The following MUSK variants were observed in gnomAD, a reference collection of about 807,000 sequenced individuals.
MUSK encodes muscle, skeletal receptor tyrosine-protein kinase.
A neutral mutation model predicts 88.7 loss-of-function variants in MUSK; 55 were observed. That is an observed-to-expected ratio of 0.62 (90% CI 0.50 to 0.78). MUSK has a LOEUF of 0.78. MUSK is among the 30% of genes least tolerant of loss of function. The pLI, the probability that MUSK is intolerant of heterozygous loss-of-function variation, is 0.00. For synonymous variants in MUSK, 387 were observed against 391.9 expected, an observed-to-expected ratio of 0.99 and a Z score of 0.15; for missense variants, 1,015 against 1,074.3, an observed-to-expected ratio of 0.94 and a Z score of 0.77.
At chr9:110,678,900 T>TGC (rs57648754) in intron 1 of MUSK, among the ~76,000 whole-genome samples, 1 of 149,154 alleles carries the variant, frequency 6.7e-6, no homozygotes, top group African/African-American at 2.5e-5. Flanking sequence ...GATTTTTTGT[T>TGC]TTTTTGCTAT....
intron 7 of MUSK, among the ~76,000 whole-genome samples, chr9:110,757,503 T>C (rs1472651544): frequency 6.6e-6 from 1 of 151,384 alleles, no homozygotes; most frequent in Non-Finnish European, 1.5e-5. Context: ...ATTTACCAAA[T>C]AATATGGCTG....
At chr9:110,796,813 G>A (rs1460106021) in intron 14 of MUSK, among the ~76,000 whole-genome samples, 3 of 1,998 alleles carry the variant, frequency 1.5e-3, no homozygotes, top group South Asian at 0.018. Context: ...CATGTCCTTT[G>A]TAGGGACATG....
intron 5 of MUSK, chr9:110,728,725 T>C (rs1447317560): frequency 1.9e-6 from 3 of 1,574,394 alleles, no homozygotes; most frequent in Admixed American, 1.8e-5. Flanking sequence ...AAGGTATTTT[T>C]TTTTCTTTCT....
chr9:110,711,676 G>GGCCCATATGGTTAACGTTCTTGAT (rs2076673025), intron 5 of MUSK, among the ~76,000 whole-genome samples: 2 of 152,130 alleles, frequency 1.3e-5, no homozygotes, highest in Admixed American at 6.5e-5. Context: ...ACTTAAAGAA[G>GGCCCATATGGTTAACGTTCTTGAT]GCCCATATGG....
chr9:110,690,447 T>TAC (rs2076328733), intron 3 of MUSK, among the ~76,000 whole-genome samples: 1 of 57,820 alleles, frequency 1.7e-5, no homozygotes, highest in African/African-American at 1.1e-4. Flanking sequence ...TATAAGTATA[T>TAC]ATAAATATAT....
chr9:110,708,427 C>T (rs1303425984), intron 5 of MUSK, among the ~76,000 whole-genome samples: 2 of 152,046 alleles, frequency 1.3e-5, no homozygotes, highest in African/African-American at 4.8e-5. Flanking sequence ...GTCCTGTTCC[C>T]GGCATCAGTC....
At chr9:110,787,180 G>C (rs970616603) in intron 13 of MUSK, among the ~76,000 whole-genome samples, 8 of 152,008 alleles carry the variant, frequency 5.3e-5, no homozygotes, top group African/African-American at 1.7e-4. Context: ...GGCTAACACA[G>C]TGAAACCCTG....
chr9:110,687,311 T>G, intron 3 of MUSK, 43 bp downstream of exon 3: 1 of 1,607,198 alleles, frequency 6.2e-7, no homozygotes, highest in Non-Finnish European at 8.5e-7. Context: ...AAAGTTGACT[T>G]GGTACACTTA....
At chr9:110,686,756 G>A (rs1246153398) in intron 2 of MUSK, among the ~76,000 whole-genome samples, 1 of 152,122 alleles carries the variant, frequency 6.6e-6, no homozygotes, top group Non-Finnish European at 1.5e-5. Flanking sequence ...ACATATGCAT[G>A]TTCTTTATCT....
chr9:110,730,661 G>T (rs1425813433), intron 5 of MUSK, among the ~76,000 whole-genome samples: 1 of 151,896 alleles, frequency 6.6e-6, no homozygotes, highest in Non-Finnish European at 1.5e-5. Flanking sequence ...ATTTTTAATT[G>T]CAACTGACTT....
At chr9:110,755,941 T>TATACATAC in intron 7 of MUSK, among the ~76,000 whole-genome samples, 2 of 76,538 alleles carry the variant, frequency 2.6e-5, no homozygotes, top group South Asian at 3.9e-4. Flanking sequence ...TACATATATA[T>TATACATAC]ATATATATAC....
rs1322705189 is a variant in MUSK at position 110,806,180 on chromosome 9, GA to G, written c.*5194del. Among the ~76,000 whole-genome samples, 4 of 152,054 alleles carry G rather than the reference GA, an allele frequency of 2.6e-5. No homozygotes were observed. Among genetic ancestry groups the G allele is most frequent in the African/African-American group, 9.7e-5 (4 of 41,420 alleles). On this transcript the variant is annotated 3_prime_UTR_variant, in exon 15 of 15. Transcript: ENST00000374448. The stretch of plus-strand genomic sequence containing the variant: ...CAAATAGGTTTGCATTTCTCTTTCT[GA>G]ATTGATCAATTTTTTAAAAATATGC...
chr9:110,722,712 C>T (rs1280670580), intron 5 of MUSK, among the ~76,000 whole-genome samples: 4 of 151,688 alleles, frequency 2.6e-5, no homozygotes, highest in Non-Finnish European at 5.9e-5. Context: ...AAAAAAATCC[C>T]ATCAAAAAGT....
At position 110,798,050 on chromosome 9, in the gene MUSK, A is replaced by G. The variant is rs1419140229; in HGVS notation, c.1928-2256A>G. Among the ~76,000 whole-genome samples the G allele has an allele frequency of 2.0e-5, 3 of 152,216 alleles. No individual in the cohort carries two copies. The East Asian group carries it at 5.8e-4, about 29-fold the overall frequency. On this transcript the variant is annotated intron_variant, in intron 14 of 14. Coordinates refer to ENST00000374448, the MANE Select transcript of MUSK (RefSeq NM_005592.4). ...TATGTTGCCGTTTGTTAAATGCTATATCTAAATTCCATTTGGATATCCAAT... is the reference window on the plus strand; with the variant it reads ...TATGTTGCCGTTTGTTAAATGCTATGTCTAAATTCCATTTGGATATCCAAT...
At chr9:110,734,849 C>CATTT (rs572847339) in intron 6 of MUSK, among the ~76,000 whole-genome samples, 63 of 152,162 alleles carry the variant, frequency 4.1e-4, no homozygotes, top group Admixed American at 8.5e-4. Context: ...TACCTACATA[C>CATTT]ATTTATTTAT....
intron 6 of MUSK, among the ~76,000 whole-genome samples, chr9:110,745,636 T>C (rs539834145): frequency 3.5e-4 from 53 of 152,314 alleles, no homozygotes; most frequent in Admixed American, 9.8e-4. Context: ...ATTGCACTTC[T>C]GATAAATATG....
chr9:110,697,609 C>A, intron 5 of MUSK, 143 bp downstream of exon 5: 3 of 820,898 alleles, frequency 3.7e-6, no homozygotes, highest in Non-Finnish European at 5.1e-6. Context: ...TAAGTTCAAG[C>A]GTATGATAAC....
At chr9:110,712,403 C>A (rs1478981908) in intron 5 of MUSK, among the ~76,000 whole-genome samples, 1 of 152,032 alleles carries the variant, frequency 6.6e-6, no homozygotes, top group Non-Finnish European at 1.5e-5. Flanking sequence ...ATGGCCATAT[C>A]AATATACCTT....
chr9:110,689,989 A>AAAT (rs2076297039), intron 3 of MUSK, among the ~76,000 whole-genome samples: 2 of 87,960 alleles, frequency 2.3e-5, no homozygotes, highest in Admixed American at 2.0e-4. Flanking sequence ...TAAATATTAT[A>AAAT]ATTATATATT....
Sources: gnomAD v4.1 joint callset for allele counts (sites outside exome capture counted in the v4.1 genomes callset) on GRCh38, gnomAD v4.1.1 for gene constraint, MANE v1.5 for transcripts, NCBI Gene and HGNC (gene_info 2026-07-23, HGNC 2026-07-21) for gene names.